MACROD2: variants seen among roughly 807,000 people sequenced by gnomAD.
MACROD2 encodes ADP-ribose glycohydrolase MACROD2.
In MACROD2, 36 loss-of-function variants were observed where a neutral mutation model predicts 70.4. That is an observed-to-expected ratio of 0.51 (90% CI 0.39 to 0.68). The LOEUF is 0.68. MACROD2 is among the 30% of genes least tolerant of loss of function. MACROD2 has a pLI of 0.00. For missense variants in MACROD2, 496 were observed against 538.4 expected (o/e 0.92, Z 0.78); for synonymous variants, 172 against 178.8 (o/e 0.96, Z 0.30).
chr20:14,386,849 T>C (rs1011292700), intron 3 of MACROD2, among the ~76,000 whole-genome samples: 6 of 152,200 alleles, frequency 3.9e-5, no homozygotes, highest in African/African-American at 1.4e-4. Flanking sequence ...CTCTGTCTCC[T>C]TTGCTTCAAA....
At chr20:14,385,047 T>C (rs1299289225) in intron 3 of MACROD2, among the ~76,000 whole-genome samples, 5 of 152,100 alleles carry the variant, frequency 3.3e-5, no homozygotes, top group Admixed American at 3.3e-4. Flanking sequence ...TTAAAACTCA[T>C]ACTGAAGGAT....
At chr20:16,043,941 TCTGAA>T (rs2067341994) in intron 16 of MACROD2, among the ~76,000 whole-genome samples, 1 of 152,090 alleles carries the variant, frequency 6.6e-6, no homozygotes, top group Non-Finnish European at 1.5e-5. Flanking sequence ...AAAAATCTGG[TCTGAA>T]GTGACGACTC....
At chr20:16,007,025 A>G (rs2066798700) in intron 15 of MACROD2, among the ~76,000 whole-genome samples, 1 of 152,222 alleles carries the variant, frequency 6.6e-6, no homozygotes, top group African/African-American at 2.4e-5. Flanking sequence ...AATTCCTTGT[A>G]AAACATGGGA....
chr20:15,669,174 A>G (rs2049943783), intron 8 of MACROD2, among the ~76,000 whole-genome samples: 2 of 152,236 alleles, frequency 1.3e-5, no homozygotes, highest in Admixed American at 1.3e-4. Context: ...GAATAAAAGG[A>G]AACACATTGT....
chr20:15,518,035 A>G (rs574862258), intron 8 of MACROD2, among the ~76,000 whole-genome samples: 1 of 152,378 alleles, frequency 6.6e-6, no homozygotes, highest in African/African-American at 2.4e-5. Context: ...TTCTTTTCAA[A>G]GGCATCTGCC....
chr20:14,647,128 C>T (rs1342301431), intron 4 of MACROD2, among the ~76,000 whole-genome samples: 3 of 152,106 alleles, frequency 2.0e-5, no homozygotes, highest in Admixed American at 6.6e-5. Flanking sequence ...TTCTCTTCAA[C>T]ACTTGAAGGC....
At chr20:14,353,980 G>T (rs2083148630) in intron 3 of MACROD2, among the ~76,000 whole-genome samples, 1 of 152,090 alleles carries the variant, frequency 6.6e-6, no homozygotes, top group South Asian at 2.1e-4. Flanking sequence ...TGTCAAGTCG[G>T]CAATCTGCAG....
intron 8 of MACROD2, among the ~76,000 whole-genome samples, chr20:15,546,108 G>T (rs2048022961): frequency 6.6e-6 from 1 of 152,172 alleles, no homozygotes; most frequent in African/African-American, 2.4e-5. Context: ...AGCCAAGCGT[G>T]GTGATGCATG....
intron 3 of MACROD2, among the ~76,000 whole-genome samples, chr20:14,421,353 T>G (rs2083874318): frequency 6.6e-6 from 1 of 152,154 alleles, no homozygotes; most frequent in African/African-American, 2.4e-5. Flanking sequence ...GCTTTTTTGT[T>G]GTTGTTGTTG....
intron 3 of MACROD2, among the ~76,000 whole-genome samples, chr20:14,492,915 A>ACACCTG (rs2084810856): frequency 6.6e-6 from 1 of 152,106 alleles, no homozygotes; most frequent in Non-Finnish European, 1.5e-5. Context: ...TGCGGGGTTA[A>ACACCTG]TAAATAAATA....
At chr20:15,649,537 A>G (rs1179025223) in intron 8 of MACROD2, among the ~76,000 whole-genome samples, 1 of 152,120 alleles carries the variant, frequency 6.6e-6, no homozygotes, top group Non-Finnish European at 1.5e-5. Context: ...CACAGAGAAA[A>G]CATCTGTTTC....
intron 5 of MACROD2, among the ~76,000 whole-genome samples, chr20:14,980,402 C>T (rs1335747143): frequency 1.3e-5 from 2 of 152,086 alleles, no homozygotes; most frequent in Non-Finnish European, 2.9e-5. Flanking sequence ...GCAAGACGGC[C>T]CTCACCAGAT....
intron 4 of MACROD2, among the ~76,000 whole-genome samples, chr20:14,627,333 G>T (rs1304927695): frequency 6.6e-6 from 1 of 152,118 alleles, no homozygotes; most frequent in Non-Finnish European, 1.5e-5. Context: ...TTCCTCCCTG[G>T]CAGTAACCTG....
At chr20:14,509,656 T>C (rs562386420) in intron 4 of MACROD2, among the ~76,000 whole-genome samples, 144 of 152,082 alleles carry the variant, frequency 9.5e-4, no homozygotes, top group Non-Finnish European at 1.4e-3. Flanking sequence ...GAAGTTAAAA[T>C]TACTTCCTAC....
chr20:14,540,744 T>C (rs1284886577), intron 4 of MACROD2, among the ~76,000 whole-genome samples: 1 of 152,170 alleles, frequency 6.6e-6, no homozygotes, highest in Non-Finnish European at 1.5e-5. Flanking sequence ...TATATCAAGG[T>C]ACATTAGCAC....
intron 6 of MACROD2, among the ~76,000 whole-genome samples, chr20:15,393,037 G>T (rs192008821): frequency 6.6e-6 from 1 of 151,874 alleles, no homozygotes; most frequent in Non-Finnish European, 1.5e-5. Flanking sequence ...ACCCATGTCC[G>T]CACGCCTCCA....
intron 8 of MACROD2, among the ~76,000 whole-genome samples, chr20:15,694,105 C>T (rs906448096): frequency 4.6e-5 from 7 of 152,118 alleles, no homozygotes; most frequent in Admixed American, 4.6e-4. Flanking sequence ...TTTCTTTAGC[C>T]ACTTGTTGAT....
intron 5 of MACROD2, among the ~76,000 whole-genome samples, chr20:14,834,369 T>C (rs185502796): frequency 2.0e-5 from 3 of 152,002 alleles, no homozygotes; most frequent in Non-Finnish European, 2.9e-5. Flanking sequence ...TTATAGCCTG[T>C]AGGGAGGGCT....
chr20:15,203,945 G>A (rs192211047), intron 5 of MACROD2, among the ~76,000 whole-genome samples: 25 of 152,128 alleles, frequency 1.6e-4, no homozygotes, highest in Non-Finnish European at 7.4e-5. Flanking sequence ...AAGTGACTAC[G>A]TTTGTGTGTA....
Sources: allele counts gnomAD v4.1 joint callset (sites outside exome capture counted in the v4.1 genomes callset), GRCh38; gene constraint gnomAD v4.1.1; transcripts MANE v1.5; gene names NCBI Gene and HGNC (gene_info 2026-07-23, HGNC 2026-07-21).